ADORA2B: variants seen among roughly 807,000 people sequenced by gnomAD.
The protein encoded by ADORA2B is adenosine A2b receptor, also known as adenosine receptor A2b.
ADORA2B carries 18 observed loss-of-function variants against 20.8 expected under a neutral mutation model. The ratio of observed to expected loss-of-function variants is 0.87; its 90% CI spans 0.60 to 1.29. The LOEUF is 1.29. Among genes scored for constraint, ADORA2B ranks in the 50% most tolerant of loss-of-function variants. ADORA2B has a pLI of 0.00. For synonymous variants in ADORA2B, 179 were observed against 178.3 expected (o/e 1.00, Z -0.03); for missense variants, 441 against 422.7 (o/e 1.04, Z -0.38).
upstream of ADORA2B, among the ~76,000 whole-genome samples, chr17:15,943,058 G>A (rs963362934): frequency 1.3e-4 from 20 of 152,222 alleles, no homozygotes; most frequent in African/African-American, 4.8e-4. Flanking sequence ...CAACTGCTGT[G>A]GGAACGTGAT....
chr17:15,926,855 C>T, the ADORA2B span, among the ~76,000 whole-genome samples: 2 of 152,108 alleles, frequency 1.3e-5, no homozygotes, highest in South Asian at 2.1e-4. Flanking sequence ...CCTGTGGTCT[C>T]AGCTACTCAG....
chr17:15,886,047 A>G, the ADORA2B span, among the ~76,000 whole-genome samples: 1 of 152,212 alleles, frequency 6.6e-6, no homozygotes, highest in Non-Finnish European at 1.5e-5. Context: ...ACCATATACC[A>G]TAAGCCATGG....
chr17:15,961,039 T>C lies in ADORA2B; in HGVS notation c.336-13640T>C, dbSNP rs1310892412. ...AAAATTAGCCAGGCGTGGTGGCGGG[T>C]GCCTGTAGTCCCAGCTACTCAGGAG... On this transcript the variant is annotated intron_variant, in intron 1 of 1. Transcript: ENST00000304222. Among the ~76,000 whole-genome samples, 7 of 150,720 alleles carry C rather than the reference T, an allele frequency of 4.6e-5. No homozygotes were observed. In the East Asian group the frequency reaches 1.4e-3, roughly 29 times the overall value.
At chr17:15,929,231 A>G in the ADORA2B span, among the ~76,000 whole-genome samples, 43 of 152,312 alleles carry the variant, frequency 2.8e-4, no homozygotes, top group African/African-American at 1.0e-3. Flanking sequence ...ACTAAGAGGT[A>G]GACATTTAGG....
the ADORA2B span, among the ~76,000 whole-genome samples, chr17:15,858,445 A>G: frequency 5.3e-5 from 8 of 152,360 alleles, no homozygotes; most frequent in Admixed American, 4.6e-4. Flanking sequence ...TCCAGGAAAG[A>G]TATTCACAAA....
chr17:15,874,064 G>GTATATATATATA, the ADORA2B span, among the ~76,000 whole-genome samples: 41 of 144,852 alleles, frequency 2.8e-4, no homozygotes, highest in African/African-American at 1.0e-3. Context: ...ATATATGTGT[G>GTATATATATATA]TGTGTATATA....
At chr17:15,905,740 C>T in the ADORA2B span, among the ~76,000 whole-genome samples, 6 of 152,058 alleles carry the variant, frequency 3.9e-5, no homozygotes, top group Admixed American at 3.9e-4. Flanking sequence ...ACCACAACCT[C>T]CACCTCCTGG....
chr17:15,945,181 T>G lies in ADORA2B; in HGVS notation c.-68T>G, dbSNP rs2151590193. 1 of 1,311,124 alleles carries G rather than the reference T, an allele frequency of 7.6e-7. No individual in the cohort carries two copies. The allele number at this position is 1,311,124 out of a possible 1,614,324, so 81.2% of individuals were successfully genotyped here. On this transcript the variant is annotated 5_prime_UTR_variant, in exon 1 of 2. Coordinates refer to ENST00000304222, the MANE Select transcript of ADORA2B (RefSeq NM_000676.4). ...GGGCGCTATGGCCATGCCCGGCGGG[T>G]CTCACGCGGCTGCCCCTCGCCCGGC...
intron 1 of ADORA2B, among the ~76,000 whole-genome samples, chr17:15,951,276 C>T (rs111379315): frequency 0.019 from 2,925 of 152,266 alleles, 85 homozygotes; most frequent in African/African-American, 0.066. Context: ...CAGAGGTGTC[C>T]GGGGACTGCC....
the ADORA2B span, among the ~76,000 whole-genome samples, chr17:15,867,972 CGT>C: frequency 2.0e-5 from 3 of 150,928 alleles, no homozygotes; most frequent in Admixed American, 1.3e-4. Context: ...GGATGGTTGC[CGT>C]GTCTGTGTAG....
At chr17:15,969,012 G>C (rs555497437) in intron 1 of ADORA2B, among the ~76,000 whole-genome samples, 7 of 152,208 alleles carry the variant, frequency 4.6e-5, no homozygotes, top group Non-Finnish European at 1.0e-4. Flanking sequence ...GGAGATGCTG[G>C]CCCATCTTCT....
chr17:15,969,165 C>T (rs557925619), intron 1 of ADORA2B, among the ~76,000 whole-genome samples: 1 of 152,180 alleles, frequency 6.6e-6, no homozygotes, highest in Admixed American at 6.5e-5. Context: ...TAATCTGTCC[C>T]TTTGGCCGGG....
At chr17:15,913,764 G>A in the ADORA2B span, among the ~76,000 whole-genome samples, 4 of 152,342 alleles carry the variant, frequency 2.6e-5, no homozygotes, top group South Asian at 2.1e-4. Context: ...GGCCGGTCCC[G>A]TCACCCCTCC....
chr17:15,931,979 G>A, the ADORA2B span, among the ~76,000 whole-genome samples: 3 of 151,996 alleles, frequency 2.0e-5, no homozygotes, highest in Non-Finnish European at 4.4e-5. Context: ...TGATCCGCCC[G>A]CCTCAGCCTC....
the ADORA2B span, among the ~76,000 whole-genome samples, chr17:15,914,600 C>T: frequency 6.6e-6 from 1 of 152,264 alleles, no homozygotes; most frequent in African/African-American, 2.4e-5. Context: ...GGTCTGTCTA[C>T]AGCCTCAGCT....
the ADORA2B span, among the ~76,000 whole-genome samples, chr17:15,917,114 C>G: frequency 5.9e-5 from 9 of 152,334 alleles, no homozygotes; most frequent in East Asian, 1.2e-3. Context: ...TCAAGACCAG[C>G]CTGGGCAACA....
intron 1 of ADORA2B, among the ~76,000 whole-genome samples, chr17:15,950,744 T>C (rs145185625): frequency 7.5e-4 from 114 of 152,310 alleles, no homozygotes; most frequent in African/African-American, 2.5e-3. Flanking sequence ...CCCTATGCCC[T>C]ACCCTAGCCT....
chr17:15,873,281 C>T, the ADORA2B span, among the ~76,000 whole-genome samples: 1 of 152,052 alleles, frequency 6.6e-6, no homozygotes, highest in Admixed American at 6.6e-5. Flanking sequence ...AGACTTGAAA[C>T]CATAAAAATT....
chr17:15,930,123 G>T, the ADORA2B span, among the ~76,000 whole-genome samples: 4 of 152,138 alleles, frequency 2.6e-5, no homozygotes, highest in Admixed American at 6.5e-5. Flanking sequence ...ACCCTGCAGG[G>T]GCTCTGCAAG....
Sources: gnomAD v4.1 joint callset for allele counts (sites outside exome capture counted in the v4.1 genomes callset) on GRCh38, gnomAD v4.1.1 for gene constraint, MANE v1.5 for transcripts, NCBI Gene and HGNC (gene_info 2026-07-23, HGNC 2026-07-21) for gene names.